TNRC6B: variants seen among roughly 807,000 people sequenced by gnomAD.
TNRC6B encodes the protein trinucleotide repeat-containing gene 6B protein.
In TNRC6B, 52 loss-of-function variants were observed where a neutral mutation model predicts 203.6. That is an observed-to-expected ratio of 0.26 (90% CI 0.20 to 0.32). TNRC6B has a LOEUF of 0.32. Ranked by LOEUF, TNRC6B falls within the 10% of genes least tolerant of loss-of-function variation. The pLI is 1.00. For missense variants in TNRC6B, 1,923 were observed against 2,286.2 expected, an observed-to-expected ratio of 0.84 and a Z score of 3.24; for synonymous variants, 838 against 845.7, an observed-to-expected ratio of 0.99 and a Z score of 0.16.
intron 2 of TNRC6B, among the ~76,000 whole-genome samples, chr22:40,250,068 C>A (rs13056733): frequency 6.6e-6 from 1 of 152,070 alleles, no homozygotes; most frequent in Non-Finnish European, 1.5e-5. Context: ...TAATCCAGTA[C>A]GATTACCAGC....
intron 4 of TNRC6B, among the ~76,000 whole-genome samples, chr22:40,163,475 A>AC (rs2068889624): frequency 7.6e-6 from 1 of 131,242 alleles, no homozygotes; most frequent in Non-Finnish European, 1.6e-5. Context: ...AAAAAAAAAA[A>AC]AAAAAGGCCA....
chr22:40,162,879 T>TAA (rs1170654233), intron 4 of TNRC6B, among the ~76,000 whole-genome samples: 1 of 152,228 alleles, frequency 6.6e-6, no homozygotes, highest in Non-Finnish European at 1.5e-5. Context: ...CAGTAGATGA[T>TAA]AGTTTATACT....
intron 4 of TNRC6B, chr22:40,156,210 C>A: frequency 6.4e-7 from 1 of 1,551,832 alleles, no homozygotes; most frequent in South Asian, 1.2e-5. Context: ...TAAAAAGAGT[C>A]CTATTACAGA....
chr22:40,265,445 G>A lies in TNRC6B; in HGVS notation c.1215G>A (p.Arg405=), dbSNP rs745946006. The A allele has an allele frequency of 2.0e-5, 33 of 1,613,910 alleles. No individual in the cohort carries two copies. Among genetic ancestry groups the A allele is most frequent in the Non-Finnish European group, 2.6e-5 (31 of 1,179,910 alleles). ...GAATGGGCTTGGGGAACACCTCCAG[G>A]AGCACTGATGCCCCTTCACAAAGCA... ...PFGMGLGNTS[R]STDAPSQSTG... Residue 405 remains arginine, a synonymous_variant, in exon 5 of 23, where the codon AGG becomes AGA. Transcript: ENST00000454349.
At chr22:40,107,861 C>T (rs561086169) in intron 1 of TNRC6B, among the ~76,000 whole-genome samples, 1 of 151,344 alleles carries the variant, frequency 6.6e-6, no homozygotes, top group African/African-American at 2.4e-5. Flanking sequence ...CAAACCGCAT[C>T]CAGAATGCTT....
chr22:40,328,823 G>A lies in TNRC6B; in HGVS notation c.*5582G>A, dbSNP rs1394522940. 2.0e-5 allele frequency: 3 copies of A among 152,224 alleles called. No homozygotes were observed. 9.4% of individuals were successfully genotyped at this position (152,224 alleles called of 1,614,324 possible). On this transcript the variant is annotated 3_prime_UTR_variant, in exon 23 of 23. Transcript: ENST00000454349. ...GATCCATTTTTTCCCCATCCTCAGA[G>A]TTAAAATTCAACATTTAAAGCTTTA...
At chr22:40,139,967 C>A (rs1465419834) in intron 3 of TNRC6B, among the ~76,000 whole-genome samples, 2 of 152,138 alleles carry the variant, frequency 1.3e-5, no homozygotes, top group East Asian at 3.9e-4. Context: ...AACGTTTTAG[C>A]CCCCACAGTT....
intron 2 of TNRC6B, among the ~76,000 whole-genome samples, chr22:40,247,257 C>T (rs1038021265): frequency 1.3e-5 from 2 of 152,052 alleles, no homozygotes; most frequent in African/African-American, 4.8e-5. Context: ...GGGAAAGGTT[C>T]GAGGGTCCCT....
intron 3 of TNRC6B, chr22:40,253,449 C>CTCT: frequency 2.4e-6 from 1 of 420,790 alleles, no homozygotes; most frequent in South Asian, 1.7e-5. Flanking sequence ...CTCAAACACA[C>CTCT]TCTTCTTTCC....
chr22:40,059,398 T>C (rs1431830680), intron 1 of TNRC6B, among the ~76,000 whole-genome samples: 2 of 152,246 alleles, frequency 1.3e-5, no homozygotes, highest in African/African-American at 4.8e-5. Context: ...TAAACAAATA[T>C]ATCATTTACA....
At chr22:40,132,969 A>AATATATATATAT (rs1166468730) in intron 3 of TNRC6B, among the ~76,000 whole-genome samples, 37 of 78,174 alleles carry the variant, frequency 4.7e-4, no homozygotes, top group South Asian at 1.2e-3. Context: ...AAAAAAAAAA[A>AATATATATATAT]ATATATATAT....
At chr22:40,187,668 G>GA (rs1273545836) in intron 1 of TNRC6B, among the ~76,000 whole-genome samples, 1 of 152,152 alleles carries the variant, frequency 6.6e-6, no homozygotes, top group African/African-American at 2.4e-5. Flanking sequence ...TGTGAGGTGG[G>GA]AGAGGGTGCC....
rs2070597138 is a variant in TNRC6B, at chr22:40,273,666, T to G, written c.3141+66T>G. On this transcript the variant is annotated intron_variant, in intron 7 of 22. Coordinates refer to ENST00000454349, the MANE Select transcript of TNRC6B (RefSeq NM_001162501.2). ...GAGAAGGCAGAACTGAGGTTTTGTT[T>G]TGTTTGTTTTTGTTTTGAGACAAGT... 38 of 1,443,820 alleles carry G rather than the reference T, an allele frequency of 2.6e-5. No homozygotes were observed. The South Asian group carries it at 5.3e-4, about 20-fold the overall frequency. The allele number at this position is 1,443,820 out of a possible 1,614,324, so 89.4% of individuals were successfully genotyped here.
chr22:40,091,196 G>T (rs889595691), intron 1 of TNRC6B, among the ~76,000 whole-genome samples: 1 of 151,864 alleles, frequency 6.6e-6, no homozygotes, highest in Non-Finnish European at 1.5e-5. Context: ...TGTTAGCCAG[G>T]ATGGTCTCGA....
chr22:40,276,904 A>G, intron 7 of TNRC6B, 173 bp from the exon 8 acceptor site: 1 of 440,614 alleles, frequency 2.3e-6, no homozygotes, highest in Non-Finnish European at 4.0e-6. Context: ...ACATAGATAT[A>G]ACTAGGGCTT....
intron 1 of TNRC6B, among the ~76,000 whole-genome samples, chr22:40,236,671 C>T (rs2069951753): frequency 1.3e-5 from 2 of 152,158 alleles, no homozygotes; most frequent in Admixed American, 1.3e-4. Context: ...AATGTGGAGC[C>T]ATTTCCTGTC....
chr22:40,054,828 A>G (rs1427914201), intron 1 of TNRC6B, among the ~76,000 whole-genome samples: 2 of 151,906 alleles, frequency 1.3e-5, no homozygotes, highest in Non-Finnish European at 2.9e-5. Flanking sequence ...ACTTGAGTCC[A>G]GGAGTTCGAG....
Position 40,300,604 on chromosome 22 carries a change from T to G in TNRC6B, c.3840+18T>G, listed in dbSNP as rs1464522017. 1 of 1,587,910 alleles carries G rather than the reference T, an allele frequency of 6.3e-7. No individual in the cohort carries two copies. The highest frequency in any genetic ancestry group is 8.5e-7 in the Non-Finnish European group (1 of 1,173,250). On this transcript the variant is annotated intron_variant, in intron 13 of 22. Transcript: ENST00000454349. ...TTCAGTTGGTAAGTAGAAGATTTTC[T>G]TCCTGTGGCTAAAAAGGTCATTTGC... is the stretch of plus-strand genomic sequence containing the variant.
chr22:40,194,113 T>C (rs1229377342), intron 1 of TNRC6B, among the ~76,000 whole-genome samples: 1 of 152,006 alleles, frequency 6.6e-6, no homozygotes, highest in Non-Finnish European at 1.5e-5. Flanking sequence ...TGCATGACAG[T>C]GCGTGTTAGG....
Sources: allele counts gnomAD v4.1 joint callset (sites outside exome capture counted in the v4.1 genomes callset), GRCh38; gene constraint gnomAD v4.1.1; transcripts MANE v1.5; gene names NCBI Gene and HGNC (gene_info 2026-07-23, HGNC 2026-07-21).